GOLGA6L9: variants seen among roughly 807,000 people sequenced by gnomAD.
GOLGA6L9 encodes the protein golgin A6 family like 9.
GOLGA6L9 carries 19 observed loss-of-function variants against 51.3 expected under a neutral mutation model. The ratio of observed to expected loss-of-function variants is 0.37; its 90% CI spans 0.26 to 0.54. GOLGA6L9 has a LOEUF of 0.54. Ranked by LOEUF, GOLGA6L9 falls within the 20% of genes least tolerant of loss-of-function variation. The probability of loss-of-function intolerance (pLI) is 0.83; values close to 1 mark genes in which losing one functional copy is unlikely to be tolerated. For missense variants in GOLGA6L9, 247 were observed against 464.1 expected, an observed-to-expected ratio of 0.53 and a Z score of 4.30; for synonymous variants, 97 against 184.2, an observed-to-expected ratio of 0.53 and a Z score of 3.83.
the GOLGA6L9 span, among the ~76,000 whole-genome samples, chr15:82,417,791 A>C: frequency 6.6e-6 from 1 of 152,210 alleles, no homozygotes; most frequent in African/African-American, 2.4e-5. Flanking sequence ...CTAGACTTTG[A>C]GCAGTTGTGG....
chr15:82,432,631 G>A lies in GOLGA6L9; in HGVS notation c.264G>A (p.Glu88=), dbSNP rs1361294199. The A allele has an allele frequency of 6.2e-6, 10 of 1,604,446 alleles. No individual in the cohort carries two copies. The highest frequency in any genetic ancestry group is 7.6e-6 in the Non-Finnish European group (9 of 1,179,336). Residue 88 remains glutamate (E), a splice_region_variant and synonymous_variant, in exon 3 of 9, where the codon GAG becomes GAA. Coordinates refer to ENST00000618348, the MANE Select transcript of GOLGA6L9 (RefSeq NM_198181.4). ...CCTCTACTACCCTGCAGGATCTGGAGGTAAGAGGCCCTGGGCCGAGGTGCA... is the reference window on the plus strand; with the variant it reads ...CCTCTACTACCCTGCAGGATCTGGAAGTAAGAGGCCCTGGGCCGAGGTGCA... ...RASSTTLQDL[E]SQYQELAVAL... is the part of the protein sequence containing the mutation.
rs1442449547 is a variant in GOLGA6L9, at chr15:82,429,872, T to C, written c.-208T>C. On this transcript the variant is annotated 5_prime_UTR_variant, in exon 1 of 9. It removes an upstream start codon present in the reference 5' UTR. Transcript: ENST00000618348. ...GCGGTTGCATGGGCAGCTTTCCTTATGATGCTACAGGTCCCTCTGGACATG... is the reference window on the plus strand; with the variant it reads ...GCGGTTGCATGGGCAGCTTTCCTTACGATGCTACAGGTCCCTCTGGACATG... 6 of 745,118 alleles carry C rather than the reference T, an allele frequency of 8.1e-6. No individual in the cohort carries two copies. Among genetic ancestry groups the C allele is most frequent in the Admixed American group, 5.5e-5 (3 of 54,078 alleles). The allele number at this position is 745,118 out of a possible 1,614,324, so 46.2% of individuals were successfully genotyped here.
chr15:82,429,174 A>T (rs1468465036), upstream of GOLGA6L9, among the ~76,000 whole-genome samples: 4 of 151,408 alleles, frequency 2.6e-5, no homozygotes, highest in Non-Finnish European at 5.9e-5. Flanking sequence ...TCCTGGGTTC[A>T]AGTGATTCTC....
the GOLGA6L9 span, among the ~76,000 whole-genome samples, chr15:82,417,269 G>C: frequency 0.18 from 27,317 of 152,006 alleles, 4,029 homozygotes; most frequent in African/African-American, 0.4. Flanking sequence ...TTAGATGACC[G>C]TTACTTCAAT....
At chr15:82,433,935 T>C (rs1233936048) in intron 5 of GOLGA6L9, 99 bp from the exon 6 acceptor site, 15 of 1,447,658 alleles carry the variant, frequency 1.0e-5, no homozygotes, top group Non-Finnish European at 1.2e-5. Flanking sequence ...TGAGGCCAAG[T>C]TTGGGAAGCC....
Position 82,434,215 on chromosome 15 carries a change from G to A in GOLGA6L9, c.615G>A (p.Glu205=). The A allele has an allele frequency of 1.3e-6, 2 of 1,561,564 alleles. No homozygotes were observed. Among genetic ancestry groups the A allele is most frequent in the Non-Finnish European group, 1.7e-6 (2 of 1,160,822 alleles). ...AGGAGGAGAGGCTACGTGAACAGGA[G>A]GAGAGGCTACGTGAACAGGAGGAGA... ...RRQEERLREQ[E]ERLREQEERL... Residue 205 remains glutamate, a synonymous_variant, in exon 6 of 9, where the codon GAG becomes GAA. Coordinates refer to ENST00000618348, the MANE Select transcript of GOLGA6L9 (RefSeq NM_198181.4).
At position 82,437,068 on chromosome 15, in the gene GOLGA6L9, A is replaced by G. The variant is rs2031719789; in HGVS notation, c.*657A>G. ...GTTTTTAAATCTCCCAGAAGAGGAAAGTGGCCTGCTTTGGCAGGTGTGTGC... is the reference window on the plus strand; with the variant it reads ...GTTTTTAAATCTCCCAGAAGAGGAAGGTGGCCTGCTTTGGCAGGTGTGTGC... On this transcript the variant is annotated 3_prime_UTR_variant, in exon 9 of 9. Coordinates refer to ENST00000618348, the MANE Select transcript of GOLGA6L9 (RefSeq NM_198181.4). 3 of 149,810 alleles carry G rather than the reference A, an allele frequency of 2.0e-5. No homozygotes were observed. The highest frequency in any genetic ancestry group is 4.4e-5 in the Non-Finnish European group (3 of 67,678). The allele number at this position is 149,810 out of a possible 1,614,324, so 9.3% of individuals were successfully genotyped here. A position where few individuals can be genotyped will look rare whatever the true frequency, so the allele number is the denominator to read the frequency against.
upstream of GOLGA6L9, among the ~76,000 whole-genome samples, chr15:82,429,037 T>G (rs1412333387): frequency 5.3e-5 from 8 of 152,196 alleles, no homozygotes; most frequent in African/African-American, 9.7e-5. Context: ...TATTAAATTG[T>G]AAGTTTTGTG....
chr15:82,435,413 C>G (rs1222439723), intron 7 of GOLGA6L9: 23 of 266,520 alleles, frequency 8.6e-5, no homozygotes, highest in Admixed American at 5.7e-4. Flanking sequence ...GGCTGAGACA[C>G]GAGAATCACT....
intron 1 of GOLGA6L9, 45 bp downstream of exon 1, chr15:82,430,208 C>T (rs1316586501): frequency 7.3e-6 from 4 of 545,816 alleles, no homozygotes; most frequent in Non-Finnish European, 1.2e-5. Flanking sequence ...CACAGATCCC[C>T]TCCGATGACA....
At chr15:82,425,932 G>A (rs2031205178), upstream of GOLGA6L9, among the ~76,000 whole-genome samples, 1 of 148,966 alleles carries the variant, frequency 6.7e-6, no homozygotes, top group Admixed American at 6.7e-5. Context: ...AAAGTGTTTG[G>A]CTGTAGAAGG....
At chr15:82,417,944 G>A in the GOLGA6L9 span, among the ~76,000 whole-genome samples, 3 of 152,214 alleles carry the variant, frequency 2.0e-5, no homozygotes, top group Non-Finnish European at 4.4e-5. Flanking sequence ...AATACACAAA[G>A]AATAAAAATT....
At chr15:82,435,313 T>C in intron 7 of GOLGA6L9, 1 of 298,520 alleles carries the variant, frequency 3.3e-6, no homozygotes, top group Non-Finnish European at 6.3e-6. Context: ...ATGGCCAACA[T>C]GGTGAAAGCT....
chr15:82,438,557 A>G lies in GOLGA6L9; in HGVS notation c.*2146A>G, dbSNP rs1178923587. On this transcript the variant is annotated 3_prime_UTR_variant, in exon 9 of 9. Transcript: ENST00000618348. ...ATAAGGCAGCCTTTAATTTGCTTAG[A>G]AGGCAACATTAGAAGGTTAGAGTTC... 2 of 147,828 alleles carry G rather than the reference A, an allele frequency of 1.4e-5. No homozygotes were observed. Among genetic ancestry groups the G allele is most frequent in the Non-Finnish European group, 3.0e-5 (2 of 66,700 alleles). The allele number at this position is 147,828 out of a possible 1,614,324, so 9.2% of individuals were successfully genotyped here.
rs1422220139 is a variant in GOLGA6L9, at chr15:82,434,208, A to T, written c.608A>T (p.Glu203Val). Residue 203 changes from glutamate to valine, a missense_variant, in exon 6 of 9, where the codon GAA becomes GTA. Around this residue, in one of 9 missense-constraint regions of GOLGA6L9, gnomAD observed 66 missense variants for 66.2 expected, o/e 1.00. Coordinates refer to ENST00000618348, the MANE Select transcript of GOLGA6L9 (RefSeq NM_198181.4). ...AGGAGACAGGAGGAGAGGCTACGTG[A>T]ACAGGAGGAGAGGCTACGTGAACAG... ...LNRRQEERLR[E>V]QEERLREQEE... 6.4e-6 allele frequency: 10 copies of T among 1,559,792 alleles called. No homozygotes were observed. In the South Asian group the frequency reaches 1.1e-4, roughly 16 times the overall value.
chr15:82,417,024 G>T, the GOLGA6L9 span, among the ~76,000 whole-genome samples: 7 of 152,142 alleles, frequency 4.6e-5, no homozygotes, highest in South Asian at 1.4e-3. Context: ...CCCCACCGTT[G>T]ATCCTGGCGA....
chr15:82,425,149 TG>T (rs1489710004), upstream of GOLGA6L9, among the ~76,000 whole-genome samples: 5 of 151,746 alleles, frequency 3.3e-5, no homozygotes, highest in Non-Finnish European at 7.4e-5. Flanking sequence ...TTGAGCACTC[TG>T]GAGCACCATA....
At chr15:82,433,874 A>T (rs1239032766) in intron 5 of GOLGA6L9, among the ~76,000 whole-genome samples, 160 bp from the exon 6 acceptor site, 1 of 121,408 alleles carries the variant, frequency 8.2e-6, no homozygotes, top group Non-Finnish European at 1.6e-5. Flanking sequence ...TCTCTATCTG[A>T]AAGTGACTTG....
At position 82,436,448 on chromosome 15, in the gene GOLGA6L9, T is replaced by C. The variant is rs2031679985; in HGVS notation, c.*37T>C. 2.7e-6 allele frequency: 4 copies of C among 1,494,130 alleles called. No homozygotes were observed. The highest frequency in any genetic ancestry group is 3.7e-6 in the Non-Finnish European group (4 of 1,092,692). 92.6% of individuals were successfully genotyped at this position (1,494,130 alleles called of 1,614,324 possible). The stretch of plus-strand genomic sequence containing the variant: ...GAAATTGAAAAAAAAAAACAAAACA[T>C]TTAAGGGGTTAATATCCTACACAAT... On this transcript the variant is annotated 3_prime_UTR_variant, in exon 9 of 9. Transcript: ENST00000618348.
Sources: gnomAD v4.1 joint callset for allele counts (sites outside exome capture counted in the v4.1 genomes callset) on GRCh38, gnomAD v4.1.1 for gene constraint, gnomAD v4.1.1 regional missense constraint, MANE v1.5 for transcripts, NCBI Gene and HGNC (gene_info 2026-07-23, HGNC 2026-07-21) for gene names.